Variants in PDE1C observed in about 807,000 individuals in gnomAD.
PDE1C encodes dual specificity calcium/calmodulin-dependent 3',5'-cyclic nucleotide phosphodiesterase 1C.
A neutral mutation model predicts 93.1 loss-of-function variants in PDE1C; 62 were observed. The observed-to-expected ratio is 0.67, with a 90% confidence interval of 0.54 to 0.82. The LOEUF (loss-of-function observed/expected upper bound fraction) is 0.82, where lower values mean the gene tolerates loss of function less well. Ranked by LOEUF, PDE1C falls within the 40% of genes least tolerant of loss-of-function variation. The probability of loss-of-function intolerance (pLI) is 0.00; values close to 1 mark genes in which losing one functional copy is unlikely to be tolerated. For missense variants in PDE1C, 742 were observed against 884.6 expected (o/e 0.84, Z 2.04); for synonymous variants, 325 against 310.1 (o/e 1.05, Z -0.50).
chr7:31,683,503 CAT>C, the PDE1C span, among the ~76,000 whole-genome samples: 2 of 152,000 alleles, frequency 1.3e-5, no homozygotes, highest in Admixed American at 6.6e-5. Flanking sequence ...CAGGACCTGA[CAT>C]GTGTTCAAAA....
chr7:32,085,585 A>G (rs1797019658), intron 3 of PDE1C, among the ~76,000 whole-genome samples: 1 of 147,248 alleles, frequency 6.8e-6, no homozygotes. Context: ...CTTGATGAAC[A>G]TTGATGCAAA....
At chr7:31,817,538 A>G (rs1788422010) in intron 14 of PDE1C, among the ~76,000 whole-genome samples, 1 of 152,180 alleles carries the variant, frequency 6.6e-6, no homozygotes, top group Admixed American at 6.5e-5. Context: ...CCAAGGTTCT[A>G]GAGACTCATC....
chr7:31,839,905 C>T (rs1325810946), intron 9 of PDE1C, among the ~76,000 whole-genome samples: 1 of 152,152 alleles, frequency 6.6e-6, no homozygotes, highest in East Asian at 1.9e-4. Flanking sequence ...GGTGTTGTGG[C>T]ATGCGCCTGT....
chr7:32,305,481 A>T (rs1048291408), intron 1 of PDE1C, among the ~76,000 whole-genome samples: 6 of 152,198 alleles, frequency 3.9e-5, no homozygotes, highest in Admixed American at 2.0e-4. Flanking sequence ...ATCACTAAGC[A>T]ACAAGTATAG....
At chr7:32,011,025 A>G (rs530589571) in intron 2 of PDE1C, among the ~76,000 whole-genome samples, 14 of 152,294 alleles carry the variant, frequency 9.2e-5, no homozygotes, top group East Asian at 1.9e-4. Context: ...AAAGAAACTA[A>G]TAAGCTGGAC....
the PDE1C span, among the ~76,000 whole-genome samples, chr7:31,711,923 C>T: frequency 6.6e-6 from 1 of 152,146 alleles, no homozygotes; most frequent in South Asian, 2.1e-4. Flanking sequence ...TCTGCCATGG[C>T]TGGGGACCCT....
rs535354428 is a variant in PDE1C at position 32,310,777 on chromosome 7, C to G, written c.311-101238G>C. On this transcript the variant is annotated intron_variant, in intron 1 of 1. Coordinates refer to the PDE1C transcript ENST00000672256. ...AGTGTGTAGAGGGAAATTTATAGCACTAAATGCCCACAAGAGAAAGCAGGA... is the reference window on the plus strand; with the variant it reads ...AGTGTGTAGAGGGAAATTTATAGCAGTAAATGCCCACAAGAGAAAGCAGGA... Among the ~76,000 whole-genome samples, 326 of 151,888 alleles carry G rather than the reference C, an allele frequency of 2.1e-3. 7 individuals are homozygous for G. Among genetic ancestry groups the G allele is most frequent in the Admixed American group, 0.021 (325 of 15,248 alleles).
chr7:31,652,845 T>C, the PDE1C span: 1 of 1,602,546 alleles, frequency 6.2e-7, no homozygotes, highest in Non-Finnish European at 8.5e-7. Context: ...AGCAGGTTTG[T>C]TAACCTTCAT....
chr7:31,787,152 T>C (rs1784090292), intron 16 of PDE1C: 1 of 152,210 alleles, frequency 6.6e-6, no homozygotes, highest in Admixed American at 6.5e-5. Context: ...AAAGGCATGG[T>C]TCCAAGTGGA....
chr7:32,043,612 T>C (rs966041926), intron 2 of PDE1C, among the ~76,000 whole-genome samples: 1 of 152,184 alleles, frequency 6.6e-6, no homozygotes. Context: ...ATACATCTGA[T>C]ACTGTACTAA....
chr7:31,731,586 C>T, the PDE1C span, among the ~76,000 whole-genome samples: 57 of 152,272 alleles, frequency 3.7e-4, no homozygotes, highest in East Asian at 3.9e-4. Context: ...GATGGAATTT[C>T]ACCATGTTGG....
chr7:32,086,658 T>C (rs1797099373), intron 3 of PDE1C, among the ~76,000 whole-genome samples: 1 of 152,072 alleles, frequency 6.6e-6, no homozygotes, highest in Non-Finnish European at 1.5e-5. Context: ...AAAACAGAGA[T>C]ATAGATCAAT....
At chr7:32,058,894 C>T (rs947875201) in intron 1 of PDE1C, among the ~76,000 whole-genome samples, 1 of 151,166 alleles carries the variant, frequency 6.6e-6, no homozygotes, top group Admixed American at 6.6e-5. Context: ...TCCATGTGCA[C>T]AATGATTTCA....
At chr7:31,979,728 A>C (rs1430584236) in intron 2 of PDE1C, among the ~76,000 whole-genome samples, 1 of 152,236 alleles carries the variant, frequency 6.6e-6, no homozygotes, top group Non-Finnish European at 1.5e-5. Flanking sequence ...AGTGAATGCT[A>C]CTAGAAAAAT....
At chr7:31,881,095 T>C (rs901551989) in intron 2 of PDE1C, among the ~76,000 whole-genome samples, 1 of 152,250 alleles carries the variant, frequency 6.6e-6, no homozygotes, top group Non-Finnish European at 1.5e-5. Context: ...ACTTTCTAGC[T>C]AGCTTTTATC....
intron 3 of PDE1C, among the ~76,000 whole-genome samples, chr7:32,094,785 T>G (rs1222834458): frequency 6.6e-6 from 1 of 152,208 alleles, no homozygotes; most frequent in Non-Finnish European, 1.5e-5. Flanking sequence ...ATACATAGCA[T>G]GGCACAAAGG....
intron 3 of PDE1C, among the ~76,000 whole-genome samples, chr7:32,104,143 C>G (rs1349281848): frequency 1.3e-5 from 2 of 151,970 alleles, no homozygotes; most frequent in Non-Finnish European, 2.9e-5. Context: ...GTAACATTTC[C>G]AAGAATAAGA....
At chr7:32,032,504 T>C (rs1285926365) in intron 2 of PDE1C, among the ~76,000 whole-genome samples, 1 of 152,174 alleles carries the variant, frequency 6.6e-6, no homozygotes, top group African/African-American at 2.4e-5. Context: ...AGACAGCCAC[T>C]GACAGGAACA....
intron 1 of PDE1C, among the ~76,000 whole-genome samples, chr7:32,365,996 AAT>A (rs1369475635): frequency 1.3e-5 from 2 of 152,186 alleles, no homozygotes; most frequent in Non-Finnish European, 2.9e-5. Context: ...CATAGAAATT[AAT>A]ATAGAGACCC....
Sources: gnomAD v4.1 joint callset for allele counts (sites outside exome capture counted in the v4.1 genomes callset) on GRCh38, gnomAD v4.1.1 for gene constraint, MANE v1.5 for transcripts, NCBI Gene and HGNC (gene_info 2026-07-23, HGNC 2026-07-21) for gene names.